The following PADI4 variants were observed in gnomAD, a reference collection of about 807,000 sequenced individuals.
PADI4 encodes protein-arginine deiminase type-4.
A neutral mutation model predicts 75.0 loss-of-function variants in PADI4; 62 were observed. That is an observed-to-expected ratio of 0.83 (90% confidence interval 0.67 to 1.02). The LOEUF is 1.02. Ranked by LOEUF, PADI4 falls within the 50% of genes least tolerant of loss-of-function variation. PADI4 has a pLI of 0.00. For missense variants in PADI4, 845 were observed against 850.5 expected (o/e 0.99, Z 0.08); for synonymous variants, 361 against 348.1 (o/e 1.04, Z -0.41).
intron 1 of PADI4, among the ~76,000 whole-genome samples, chr1:17,329,013 AG>A (rs775450603): frequency 5.5e-5 from 8 of 146,688 alleles, no homozygotes; most frequent in Admixed American, 3.4e-4. Flanking sequence ...ATATTTATTA[AG>A]ATATCTTAAT....
intron 10 of PADI4, among the ~76,000 whole-genome samples, chr1:17,352,046 A>ACTGTG (rs2074655580): frequency 2.2e-4 from 13 of 59,542 alleles, no homozygotes; most frequent in African/African-American, 1.0e-3. Flanking sequence ...GAGGAGAGGC[A>ACTGTG]GTCAGGGAGG....
rs753594798 is a variant in PADI4, at chr1:17,346,649, C to T, written c.1047+510C>T. 2.6e-5 allele frequency among the ~76,000 whole-genome samples: 4 copies of T among 152,136 alleles called. No individual in the cohort carries two copies. Among genetic ancestry groups the T allele is most frequent in the Non-Finnish European group, 5.9e-5 (4 of 68,024 alleles). On this transcript the variant is annotated intron_variant, in intron 9 of 15. Transcript: ENST00000375448. The surrounding 1 kb of genome is among the most constrained non-coding windows in gnomAD (Gnocchi z 4.3). ...CCAGTCTCTGTTTCCGTGCCACTCCCCCATCATGCCAGGAGTGCCCCAAGG... is the reference window on the plus strand; with the variant it reads ...CCAGTCTCTGTTTCCGTGCCACTCCTCCATCATGCCAGGAGTGCCCCAAGG...
intron 8 of PADI4, among the ~76,000 whole-genome samples, chr1:17,342,870 G>T (rs1301452237): frequency 6.6e-6 from 1 of 152,222 alleles, no homozygotes; most frequent in Non-Finnish European, 1.5e-5. Flanking sequence ...AGCTACTCAG[G>T]AGGCCGAGGC....
intron 7 of PADI4, 77 bp downstream of exon 7, chr1:17,342,198 C>T: frequency 1.3e-6 from 2 of 1,493,206 alleles, no homozygotes; most frequent in Non-Finnish European, 9.3e-7. Flanking sequence ...GGGTACAGAG[C>T]CCAGCTGGGC....
chr1:17,332,378 C>T (rs1389196300), intron 2 of PADI4, among the ~76,000 whole-genome samples: 1 of 152,186 alleles, frequency 6.6e-6, no homozygotes. Flanking sequence ...TCCCAAGTAG[C>T]TGGGAGTACA....
chr1:17,340,050 GCGCACA>G (rs1392701402), intron 6 of PADI4, among the ~76,000 whole-genome samples: 3,388 of 148,510 alleles, frequency 0.023, 46 homozygotes, highest in Non-Finnish European at 0.03. Context: ...ACACACGCGC[GCGCACA>G]CACACACACA....
Position 17,356,970 on chromosome 1 carries a change from G to A in PADI4, c.1558+511G>A, listed in dbSNP as rs2074771051. Among the ~76,000 whole-genome samples the A allele has an allele frequency of 6.6e-6, 1 of 152,158 alleles. No individual in the cohort carries two copies. The highest frequency in any genetic ancestry group is 1.5e-5 in the Non-Finnish European group (1 of 68,020). On this transcript the variant is annotated intron_variant, in intron 13 of 15. Coordinates refer to ENST00000375448, the MANE Select transcript of PADI4 (RefSeq NM_012387.3). This position sits in a 1 kb window ranked among gnomAD's most constrained non-coding sequence, Gnocchi z 4.1. ...CATGGGCCAGGCCCCGGGCTGAGAT[G>A]CCTCTGTGGCTGAGAGCTCCACCTC...
intron 1 of PADI4, among the ~76,000 whole-genome samples, chr1:17,311,615 C>T (rs149342815): frequency 0.012 from 1,830 of 152,142 alleles, 19 homozygotes; most frequent in Middle Eastern, 0.02. Context: ...AGCTCCACCT[C>T]CCGGGTTCAC....
intron 2 of PADI4, 33 bp downstream of exon 2, chr1:17,331,182 A>G: frequency 6.3e-7 from 1 of 1,581,896 alleles, no homozygotes; most frequent in South Asian, 1.1e-5. Context: ...GGCAGTGTGG[A>G]TGGGCTTCAG....
chr1:17,333,822 G>A lies in PADI4; in HGVS notation c.274-121G>A. 4.2e-6 allele frequency: 3 copies of A among 713,846 alleles called. No individual in the cohort carries two copies. In the South Asian group the frequency reaches 4.8e-5, roughly 12 times the overall value. The allele number at this position is 713,846 out of a possible 1,614,324, so 44.2% of individuals were successfully genotyped here. The stretch of plus-strand genomic sequence containing the variant: ...GATGGGGCCACTCCTTACAGGCTAG[G>A]ACCAGTTCTTGCCCAACTTTGTCTC... On this transcript the variant is annotated intron_variant, in intron 2 of 15. Coordinates refer to ENST00000375448, the MANE Select transcript of PADI4 (RefSeq NM_012387.3).
chr1:17,352,102 G>GGGAGGAGAGGCA (rs1557577093), intron 10 of PADI4, among the ~76,000 whole-genome samples: 1 of 135,268 alleles, frequency 7.4e-6, no homozygotes, highest in African/African-American at 2.8e-5. Context: ...GATGGGAGGT[G>GGGAGGAGAGGCA]GTAGGAGAGA....
At chr1:17,359,139 G>A (rs1199478975) in intron 14 of PADI4, 141 bp from the exon 15 acceptor site, 1 of 709,456 alleles carries the variant, frequency 1.4e-6, no homozygotes, top group African/African-American at 1.8e-5. Flanking sequence ...GTGCAGTGAG[G>A]CCTGGCAGCC....
chr1:17,339,186 ATC>A, intron 5 of PADI4, among the ~76,000 whole-genome samples: 1 of 152,166 alleles, frequency 6.6e-6, no homozygotes, highest in Non-Finnish European at 1.5e-5. Flanking sequence ...GCCCTTGGCT[ATC>A]AGTCAGTCCC....
At chr1:17,348,799 T>A (rs1160562881) in intron 10 of PADI4, 1 of 152,198 alleles carries the variant, frequency 6.6e-6, no homozygotes, top group Non-Finnish European at 1.5e-5. Flanking sequence ...AGCATGCTTT[T>A]CCCCGCCCTG....
At position 17,356,007 on chromosome 1, in the gene PADI4, G is replaced by A. The variant is rs1368264837; in HGVS notation, c.1335G>A (p.Gln445=). ...GCAATGACAGCCGGCAGATGCACCA[G>A]GCCCTGCAGGACTTCCTCAGTGCCC... The part of the protein sequence containing the change: ...YPSNDSRQMH[Q]ALQDFLSAQQ... The change falls in exon 12 of 16, where the codon CAG becomes CAA. Residue 445 remains glutamine, a synonymous_variant. Coordinates refer to ENST00000375448, the MANE Select transcript of PADI4 (RefSeq NM_012387.3). This position sits in a 1 kb window ranked among gnomAD's most constrained non-coding sequence, Gnocchi z 4.1. The A allele has an allele frequency of 3.1e-6, 5 of 1,614,156 alleles. No individual in the cohort carries two copies. The highest frequency in any genetic ancestry group is 1.7e-4 in the Middle Eastern group (1 of 6,060).
intron 15 of PADI4, among the ~76,000 whole-genome samples, 162 bp from the exon 16 acceptor site, chr1:17,363,360 C>T (rs988263587): frequency 1.3e-5 from 2 of 151,472 alleles, no homozygotes; most frequent in African/African-American, 2.4e-5. Flanking sequence ...TGGGCTCAAG[C>T]GATCCTCCTG....
At position 17,356,008 on chromosome 1, in the gene PADI4, G is replaced by T. The variant is rs748893547; in HGVS notation, c.1336G>T (p.Ala446Ser). The T allele has an allele frequency of 1.2e-6, 2 of 1,614,106 alleles. No homozygotes were observed. The highest frequency in any genetic ancestry group is 3.3e-5 in the Admixed American group (2 of 60,010). ...PSNDSRQMHQ[A>S]LQDFLSAQQV... Reference sequence around the variant, plus strand: ...CAATGACAGCCGGCAGATGCACCAGGCCCTGCAGGACTTCCTCAGTGCCCA... The same window carrying T: ...CAATGACAGCCGGCAGATGCACCAGTCCCTGCAGGACTTCCTCAGTGCCCA... Residue 446 changes from alanine (A) to serine (S), a missense_variant, in exon 12 of 16, where the codon GCC (alanine) becomes TCC (serine). By Grantham distance (99) the Ala-to-Ser change is moderately conservative (BLOSUM62 1). Transcript: ENST00000375448. This position sits in a 1 kb window ranked among gnomAD's most constrained non-coding sequence, Gnocchi z 4.1.
At chr1:17,323,008 A>G (rs1241780230) in intron 1 of PADI4, among the ~76,000 whole-genome samples, 1 of 152,170 alleles carries the variant, frequency 6.6e-6, no homozygotes, top group East Asian at 1.9e-4. Flanking sequence ...CTCTACTTCA[A>G]GGTTTCTCAT....
intron 8 of PADI4, among the ~76,000 whole-genome samples, chr1:17,343,345 G>A (rs1381319427): frequency 6.6e-6 from 1 of 152,218 alleles, no homozygotes; most frequent in South Asian, 2.1e-4. Flanking sequence ...TCTTCCTGCA[G>A]TCTGAGAGCC....
Sources: gnomAD v4.1 joint callset for allele counts (sites outside exome capture counted in the v4.1 genomes callset) on GRCh38, gnomAD v4.1.1 for gene constraint, Gnocchi (gnomAD v3.1) non-coding constraint, MANE v1.5 for transcripts, NCBI Gene and HGNC (gene_info 2026-07-23, HGNC 2026-07-21) for gene names.